CNTN4: variants seen among roughly 807,000 people sequenced by gnomAD.
CNTN4 encodes contactin 4.
A neutral mutation model predicts 122.5 loss-of-function variants in CNTN4; 77 were observed. The observed-to-expected ratio is 0.63, with a 90% CI of 0.52 to 0.76. The LOEUF is 0.76. Ranked by LOEUF, CNTN4 falls within the 30% of genes least tolerant of loss-of-function variation. The pLI, the probability that CNTN4 is intolerant of heterozygous loss-of-function variation, is 0.00. For missense variants in CNTN4, 1,256 were observed against 1,259.1 expected (o/e 1.00, Z 0.04); for synonymous variants, 512 against 447.0 (o/e 1.15, Z -1.83).
chr3:2,472,486 G>A (rs1234938264), intron 3 of CNTN4, among the ~76,000 whole-genome samples: 1 of 152,094 alleles, frequency 6.6e-6, no homozygotes, highest in Admixed American at 6.5e-5. Flanking sequence ...TGATCCACCT[G>A]CCTCGGCGTC....
rs181106776 is a variant in CNTN4 at position 2,345,188 on chromosome 3, A to T, written c.-89+5955A>T. Reference sequence around the variant, plus strand: ...TGCATATGCTTCTGAATACAATTTAAGCTGCTGCCAATAAGAAAATAAGCC... The same window carrying T: ...TGCATATGCTTCTGAATACAATTTATGCTGCTGCCAATAAGAAAATAAGCC... On this transcript the variant is annotated intron_variant, in intron 3 of 24. Transcript: ENST00000418658. Among the ~76,000 whole-genome samples, 19 of 152,312 alleles carry T rather than the reference A, an allele frequency of 1.2e-4. No homozygotes were observed. In the East Asian group the frequency reaches 2.3e-3, roughly 19 times the overall value.
chr3:2,826,277 T>C (rs1576954219), intron 7 of CNTN4, among the ~76,000 whole-genome samples: 1 of 152,214 alleles, frequency 6.6e-6, no homozygotes, highest in East Asian at 1.9e-4. Context: ...ATCATCCAGG[T>C]AATTTTAATA....
At chr3:2,160,622 T>G (rs1022836012) in intron 2 of CNTN4, among the ~76,000 whole-genome samples, 2 of 152,186 alleles carry the variant, frequency 1.3e-5, no homozygotes, top group African/African-American at 2.4e-5. Context: ...TCTCTCATAA[T>G]CATCACTCTG....
chr3:2,754,531 A>T (rs1487928018), intron 6 of CNTN4, among the ~76,000 whole-genome samples: 1 of 152,166 alleles, frequency 6.6e-6, no homozygotes, highest in Non-Finnish European at 1.5e-5. Context: ...AAGTAACTAG[A>T]CTAATACACC....
At chr3:2,830,712 C>T (rs1001222532) in intron 7 of CNTN4, among the ~76,000 whole-genome samples, 9 of 152,148 alleles carry the variant, frequency 5.9e-5, no homozygotes, top group Non-Finnish European at 1.2e-4. Context: ...ACAGGATAGA[C>T]GGGCACCATT....
intron 4 of CNTN4, among the ~76,000 whole-genome samples, chr3:2,665,482 A>G (rs1299160789): frequency 1.3e-5 from 2 of 152,246 alleles, no homozygotes; most frequent in African/African-American, 4.8e-5. Context: ...AGAACTCAGA[A>G]TTAGTATCTC....
chr3:2,530,364 A>G (rs1254189869), intron 3 of CNTN4, among the ~76,000 whole-genome samples: 1 of 138,962 alleles, frequency 7.2e-6, no homozygotes, highest in African/African-American at 2.8e-5. Flanking sequence ...GCTGGAGTGC[A>G]GTGGCACGAT....
intron 2 of CNTN4, among the ~76,000 whole-genome samples, chr3:2,330,797 C>T (rs567624368): frequency 6.6e-6 from 1 of 152,160 alleles, no homozygotes. Flanking sequence ...TAGCTGTTTT[C>T]TGTGACCTGT....
chr3:2,663,766 T>A (rs185562790), intron 4 of CNTN4, among the ~76,000 whole-genome samples: 55 of 152,304 alleles, frequency 3.6e-4, no homozygotes, highest in Non-Finnish European at 6.9e-4. Context: ...AGCTGGTGAA[T>A]GCATGCATAC....
intron 4 of CNTN4, among the ~76,000 whole-genome samples, chr3:2,647,779 A>G (rs1168981807): frequency 6.6e-6 from 1 of 152,232 alleles, no homozygotes. Context: ...AAATTGCTGT[A>G]GAGATACCAG....
intron 3 of CNTN4, among the ~76,000 whole-genome samples, chr3:2,429,430 C>T (rs139110872): frequency 6.6e-6 from 1 of 152,174 alleles, no homozygotes; most frequent in African/African-American, 2.4e-5. Flanking sequence ...GCTGCCTGAT[C>T]GTTCCTCTGG....
In CNTN4 at chr3:3,043,656, G is replaced by A. The variant is rs1162703856; in HGVS notation, c.2763G>A (p.Trp921Ter). 1 of 1,614,070 alleles carries A rather than the reference G, an allele frequency of 6.2e-7. No homozygotes were observed. The highest frequency in any genetic ancestry group is 8.5e-7 in the Non-Finnish European group (1 of 1,179,966). The change falls in exon 23 of 25, where the codon TGG (tryptophan) becomes TGA (stop). Residue 921 changes from tryptophan (W) to a stop codon, truncating the protein, a stop_gained. Coordinates refer to ENST00000418658, the MANE Select transcript of CNTN4 (RefSeq NM_175607.3). LOFTEE classifies it high-confidence loss of function. ...NSSDSKIILN[W>*]DQVKALDNES... is the part of the protein sequence containing the mutation. ...CAGACTCCAAAATTATCCTGAATTG[G>A]GATCAAGTGAAGGCCCTGGATAATG...
At chr3:2,514,010 T>C (rs1328616730) in intron 3 of CNTN4, among the ~76,000 whole-genome samples, 1 of 152,176 alleles carries the variant, frequency 6.6e-6, no homozygotes, top group African/African-American at 2.4e-5. Context: ...CCCAACAACA[T>C]TGTGGACAAT....
chr3:2,407,924 A>G (rs893108668), intron 3 of CNTN4, among the ~76,000 whole-genome samples: 1 of 152,212 alleles, frequency 6.6e-6, no homozygotes, highest in African/African-American at 2.4e-5. Flanking sequence ...ACGTATGTAC[A>G]TATCTGTGTG....
intron 3 of CNTN4, among the ~76,000 whole-genome samples, chr3:2,392,700 C>T (rs558959428): frequency 1.4e-4 from 21 of 152,246 alleles, no homozygotes; most frequent in African/African-American, 4.3e-4. Flanking sequence ...TATTAACTAT[C>T]GTCAGCATGT....
At chr3:3,008,769 T>C (rs1310178735) in intron 14 of CNTN4, among the ~76,000 whole-genome samples, 1 of 152,156 alleles carries the variant, frequency 6.6e-6, no homozygotes, top group Admixed American at 6.5e-5. Context: ...TGCAAAAGTG[T>C]TGCAGTTTTT....
chr3:2,298,128 A>T (rs1046123626), intron 2 of CNTN4, among the ~76,000 whole-genome samples: 2 of 152,254 alleles, frequency 1.3e-5, no homozygotes, highest in Non-Finnish European at 2.9e-5. Context: ...AATTAGGTTG[A>T]TAAATGAAGG....
At chr3:2,941,236 C>T (rs181812352) in intron 13 of CNTN4, among the ~76,000 whole-genome samples, 170 of 152,262 alleles carry the variant, frequency 1.1e-3, no homozygotes, top group Non-Finnish European at 2.1e-3. Context: ...TTGTTCCTTC[C>T]AGCACATCTG....
intron 2 of CNTN4, among the ~76,000 whole-genome samples, chr3:2,151,205 A>G (rs1357714341): frequency 2.6e-5 from 4 of 152,202 alleles, no homozygotes; most frequent in Non-Finnish European, 5.9e-5. Flanking sequence ...GATTACAGGC[A>G]TGAGCCACTT....
Sources: allele counts gnomAD v4.1 joint callset (sites outside exome capture counted in the v4.1 genomes callset), GRCh38; gene constraint gnomAD v4.1.1; transcripts MANE v1.5; gene names NCBI Gene and HGNC (gene_info 2026-07-23, HGNC 2026-07-21).